Variants in ATF7IP2 observed in about 807,000 individuals in gnomAD.
The protein encoded by ATF7IP2 is activating transcription factor 7-interacting protein 2.
Under a neutral mutation model 64.2 loss-of-function variants are expected in ATF7IP2, and 42 were observed. The ratio of observed to expected loss-of-function variants is 0.65; its 90% CI spans 0.51 to 0.85. The LOEUF (loss-of-function observed/expected upper bound fraction) is 0.85. ATF7IP2 is among the 40% of genes least tolerant of loss of function. ATF7IP2 has a pLI of 0.00. For synonymous variants in ATF7IP2, 308 were observed against 272.8 expected (o/e 1.13, Z -1.27); for missense variants, 933 against 784.2 (o/e 1.19, Z -2.27).
intron 9 of ATF7IP2, among the ~76,000 whole-genome samples, chr16:10,458,831 C>A (rs180748203): frequency 6.6e-6 from 1 of 152,144 alleles, no homozygotes; most frequent in Non-Finnish European, 1.5e-5. Flanking sequence ...ACTAGTAAAC[C>A]AAGTTTAATA....
At chr16:10,434,475 CAG>C (rs1322536166) in intron 6 of ATF7IP2, among the ~76,000 whole-genome samples, 1 of 152,128 alleles carries the variant, frequency 6.6e-6, no homozygotes, top group African/African-American at 2.4e-5. Context: ...TTTTTTAAAA[CAG>C]ACCATTACAA....
chr16:10,412,057 G>T (rs1179545466), intron 1 of ATF7IP2, among the ~76,000 whole-genome samples: 2 of 129,882 alleles, frequency 1.5e-5, no homozygotes, highest in Non-Finnish European at 1.6e-5. Flanking sequence ...TAAGTTCTAG[G>T]GTACATGTGC....
chr16:10,457,688 G>GTT lies in ATF7IP2; in HGVS notation c.1352+159_1352+160insTT, dbSNP rs1407464559. 47 of 573,792 alleles carry GTT rather than the reference G, an allele frequency of 8.2e-5. No individual in the cohort carries two copies. The African/African-American group carries it at 9.0e-4, about 11-fold the overall frequency. 35.5% of individuals were successfully genotyped at this position (573,792 alleles called of 1,614,324 possible). A position where few individuals can be genotyped will look rare whatever the true frequency, so the allele number is the denominator to read the frequency against. ...TTACATATTATACTTCAGTTGTGGG[G>GTT]GTTTTTTTTTGGTTTTTGGGTTTTC... is the stretch of plus-strand genomic sequence containing the variant. On this transcript the variant is annotated intron_variant, in intron 9 of 13. Transcript: ENST00000562102.
intron 8 of ATF7IP2, among the ~76,000 whole-genome samples, chr16:10,455,517 A>G (rs895350035): frequency 6.6e-6 from 1 of 152,240 alleles, no homozygotes; most frequent in Non-Finnish European, 1.5e-5. Flanking sequence ...AGGTAACTTC[A>G]GGAAATTCAC....
intron 9 of ATF7IP2, among the ~76,000 whole-genome samples, chr16:10,465,476 G>C (rs565111414): frequency 5.1e-4 from 77 of 152,000 alleles, no homozygotes; most frequent in Admixed American, 1.8e-3. Context: ...GCCGGGCACA[G>C]TGACTCACGC....
At chr16:10,390,125 C>A (rs753622121) in intron 1 of ATF7IP2, among the ~76,000 whole-genome samples, 2 of 151,672 alleles carry the variant, frequency 1.3e-5, no homozygotes, top group African/African-American at 4.8e-5. Flanking sequence ...GAGAATTGTT[C>A]TTATTAAAGT....
intron 7 of ATF7IP2, among the ~76,000 whole-genome samples, chr16:10,440,074 C>T (rs967368018): frequency 7.9e-5 from 12 of 151,860 alleles, no homozygotes; most frequent in African/African-American, 2.7e-4. Flanking sequence ...GCAGGAGAAT[C>T]GCTTGAACCC....
chr16:10,409,294 C>G (rs905422520), intron 1 of ATF7IP2, among the ~76,000 whole-genome samples: 3 of 152,032 alleles, frequency 2.0e-5, no homozygotes, highest in Non-Finnish European at 4.4e-5. Context: ...TTGATTAGAA[C>G]TGATAGGAAG....
intron 1 of ATF7IP2, among the ~76,000 whole-genome samples, chr16:10,397,211 CTGTTT>C (rs1196268915): frequency 2.0e-5 from 3 of 152,080 alleles, no homozygotes; most frequent in Non-Finnish European, 4.4e-5. Flanking sequence ...CAATACTGTA[CTGTTT>C]TGTTTACTGT....
intron 1 of ATF7IP2, among the ~76,000 whole-genome samples, chr16:10,389,554 A>G (rs1452611266): frequency 1.3e-5 from 2 of 152,206 alleles, no homozygotes; most frequent in Non-Finnish European, 2.9e-5. Context: ...ACCTCCAAAA[A>G]AAATACATAT....
chr16:10,465,206 G>A (rs2049520644), intron 9 of ATF7IP2, among the ~76,000 whole-genome samples: 1 of 152,152 alleles, frequency 6.6e-6, no homozygotes, highest in Non-Finnish European at 1.5e-5. Flanking sequence ...AACCAAAGCA[G>A]AGTTTCTTGC....
At chr16:10,420,964 A>T (rs1431130179) in intron 3 of ATF7IP2, among the ~76,000 whole-genome samples, 1 of 152,222 alleles carries the variant, frequency 6.6e-6, no homozygotes, top group Non-Finnish European at 1.5e-5. Context: ...TATTTTAGGG[A>T]GAATCCAATT....
At chr16:10,481,115 T>C (rs1204549739) in intron 13 of ATF7IP2, 151 bp downstream of exon 13, 1 of 611,306 alleles carries the variant, frequency 1.6e-6, no homozygotes, top group Non-Finnish European at 2.9e-6. Context: ...CAATTAAAAT[T>C]ATTCAGTTGA....
chr16:10,460,529 C>G (rs997672064), intron 9 of ATF7IP2, among the ~76,000 whole-genome samples: 5 of 152,124 alleles, frequency 3.3e-5, no homozygotes, highest in African/African-American at 1.2e-4. Flanking sequence ...ACCAGTGTAA[C>G]AGTAGAGAGT....
At chr16:10,421,995 TC>T (rs2047996981) in intron 3 of ATF7IP2, among the ~76,000 whole-genome samples, 1 of 152,262 alleles carries the variant, frequency 6.6e-6, no homozygotes, top group Admixed American at 6.5e-5. Flanking sequence ...GAGAAGGCAG[TC>T]CTGGCTGCAA....
intron 1 of ATF7IP2, among the ~76,000 whole-genome samples, chr16:10,410,822 C>T (rs1302065227): frequency 6.6e-6 from 1 of 152,134 alleles, no homozygotes; most frequent in Non-Finnish European, 1.5e-5. Context: ...AACTTTTCCC[C>T]ATTTAGTATT....
At chr16:10,388,048 G>T (rs1375983241) in intron 1 of ATF7IP2, among the ~76,000 whole-genome samples, 1 of 151,816 alleles carries the variant, frequency 6.6e-6, no homozygotes, top group African/African-American at 2.4e-5. Context: ...GATTATAGGC[G>T]CCCGACTAGT....
chr16:10,415,888 C>G (rs1021136893), intron 2 of ATF7IP2, among the ~76,000 whole-genome samples: 1 of 152,126 alleles, frequency 6.6e-6, no homozygotes, highest in Non-Finnish European at 1.5e-5. Flanking sequence ...AAATGCAAAT[C>G]AAAGCTACAG....
At chr16:10,445,324 T>C (rs1015925798) in intron 8 of ATF7IP2, 39 of 152,110 alleles carry the variant, frequency 2.6e-4, no homozygotes, top group African/African-American at 9.2e-4. Flanking sequence ...GAAGAGAAAA[T>C]GGGGACTGTG....
Sources: allele counts gnomAD v4.1 joint callset (sites outside exome capture counted in the v4.1 genomes callset), GRCh38; gene constraint gnomAD v4.1.1; transcripts MANE v1.5; gene names NCBI Gene and HGNC (gene_info 2026-07-23, HGNC 2026-07-21).